The following CDC73 variants were observed in gnomAD, a reference collection of about 807,000 sequenced individuals.
The protein encoded by CDC73 is cell division cycle 73.
CDC73 carries 21 observed loss-of-function variants against 83.7 expected under a neutral mutation model. The ratio of observed to expected loss-of-function variants is 0.25; its 90% CI spans 0.18 to 0.36. The LOEUF (loss-of-function observed/expected upper bound fraction) is 0.36, where lower values mean the gene tolerates loss of function less well. Among genes scored for constraint, CDC73 ranks in the 10% least tolerant of loss-of-function variants. The probability of loss-of-function intolerance (pLI) is 1.00; values close to 1 mark genes in which losing one functional copy is unlikely to be tolerated. For synonymous variants in CDC73, 224 were observed against 212.9 expected, an observed-to-expected ratio of 1.05 and a Z score of -0.45; for missense variants, 342 against 653.3, an observed-to-expected ratio of 0.52 and a Z score of 5.19.
chr1:193,239,824 TG>T (rs1677826737), intron 15 of CDC73, among the ~76,000 whole-genome samples: 1 of 152,226 alleles, frequency 6.6e-6, no homozygotes, highest in Non-Finnish European at 1.5e-5. Flanking sequence ...ACTCTGCTTT[TG>T]AACATTAGAA....
intron 10 of CDC73, among the ~76,000 whole-genome samples, chr1:193,188,442 G>A (rs1362976624): frequency 6.6e-6 from 1 of 151,274 alleles, no homozygotes; most frequent in Non-Finnish European, 1.5e-5. Context: ...AGAAATTGTG[G>A]GATTTTTTTT....
intron 13 of CDC73, among the ~76,000 whole-genome samples, chr1:193,220,563 G>C (rs1412809139): frequency 2.0e-5 from 3 of 152,200 alleles, no homozygotes; most frequent in Non-Finnish European, 4.4e-5. Flanking sequence ...TTCACTAAAT[G>C]TAGAATTGAA....
At chr1:193,155,472 T>C (rs981910016) in intron 10 of CDC73, among the ~76,000 whole-genome samples, 9 of 152,182 alleles carry the variant, frequency 5.9e-5, no homozygotes, top group African/African-American at 2.2e-4. Flanking sequence ...TTGGGTTCTA[T>C]AATGTTTAAG....
intron 11 of CDC73, among the ~76,000 whole-genome samples, chr1:193,209,101 C>A (rs1677235998): frequency 6.6e-6 from 1 of 152,204 alleles, no homozygotes; most frequent in African/African-American, 2.4e-5. Flanking sequence ...GGAATTACTT[C>A]TGTTTTATTT....
chr1:193,244,353 C>T (rs1390731208), intron 15 of CDC73, among the ~76,000 whole-genome samples: 1 of 152,202 alleles, frequency 6.6e-6, no homozygotes, highest in Non-Finnish European at 1.5e-5. Flanking sequence ...CTTACTATCA[C>T]ATGTGGAATA....
At chr1:193,141,465 CT>C (rs1675904913) in intron 6 of CDC73, among the ~76,000 whole-genome samples, 1 of 152,124 alleles carries the variant, frequency 6.6e-6, no homozygotes, top group Admixed American at 6.5e-5. Flanking sequence ...AGGCTTTGAA[CT>C]TTCTGTAGGA....
intron 1 of CDC73, 28 bp downstream of exon 1, chr1:193,122,359 G>C: frequency 6.2e-7 from 1 of 1,613,814 alleles, no homozygotes; most frequent in Non-Finnish European, 8.5e-7. Flanking sequence ...GTGGCCCAGG[G>C]GTGGCAGGGC....
intron 10 of CDC73, among the ~76,000 whole-genome samples, chr1:193,171,950 CAG>C (rs937580227): frequency 6.6e-6 from 1 of 152,240 alleles, no homozygotes; most frequent in East Asian, 1.9e-4. Flanking sequence ...TGTTTTGAGA[CAG>C]AGTCTTTCTC....
chr1:193,213,039 G>T (rs1677304595), intron 13 of CDC73, among the ~76,000 whole-genome samples: 1 of 152,026 alleles, frequency 6.6e-6, no homozygotes, highest in Non-Finnish European at 1.5e-5. Flanking sequence ...ATGCATCACG[G>T]TTATTGGGCA....
At position 193,187,096 on chromosome 1, in the gene CDC73, T is replaced by TTTAGAACCC. The variant is rs552529631; in HGVS notation, c.973-16694_973-16693insACCCTTAGA. 5.0e-3 allele frequency among the ~76,000 whole-genome samples: 269 copies of TTTAGAACCC among 53,478 alleles called. 37 individuals carry two copies. The highest frequency in any genetic ancestry group is 0.015 in the African/African-American group (255 of 16,850). The allele number at this position is 53,478 out of a possible 152,430, so 35.1% of individuals were successfully genotyped here. ...CTATTGAAACCATGTATCTTTGTAATTTAGATCCCCCCCCCCGTTTTCTGG... is the reference window on the plus strand; with the variant it reads ...CTATTGAAACCATGTATCTTTGTAATTTAGAACCCTTAGATCCCCCCCCCCGTTTTCTGG... On this transcript the variant is annotated intron_variant, in intron 10 of 16. Transcript: ENST00000367435.
At chr1:193,164,516 C>G (rs372675522) in intron 10 of CDC73, among the ~76,000 whole-genome samples, 8 of 152,152 alleles carry the variant, frequency 5.3e-5, no homozygotes, top group Non-Finnish European at 8.8e-5. Flanking sequence ...ATTCTCACCT[C>G]TAGCACATAA....
chr1:193,152,802 CAG>C (rs773973728), intron 10 of CDC73, among the ~76,000 whole-genome samples: 15 of 151,960 alleles, frequency 9.9e-5, no homozygotes, highest in Non-Finnish European at 1.0e-4. Flanking sequence ...TTTTTTGAGA[CAG>C]AGTCTCGCTC....
At chr1:193,239,961 T>A (rs12411221) in intron 15 of CDC73, among the ~76,000 whole-genome samples, 1,618 of 152,280 alleles carry the variant, frequency 0.011, 17 homozygotes, top group Middle Eastern at 0.061. Flanking sequence ...TGTATGTTTG[T>A]ACACATTAAT....
intron 13 of CDC73, among the ~76,000 whole-genome samples, chr1:193,221,800 C>T (rs896551216): frequency 1.3e-5 from 2 of 152,078 alleles, no homozygotes; most frequent in Admixed American, 6.5e-5. Flanking sequence ...TAAAACACTC[C>T]CTTCATTGTT....
chr1:193,170,716 T>G (rs1676505188), intron 10 of CDC73, among the ~76,000 whole-genome samples: 1 of 152,228 alleles, frequency 6.6e-6, no homozygotes, highest in Admixed American at 6.5e-5. Context: ...TTTTCCCATA[T>G]TTTGTTGGTT....
In CDC73 at chr1:193,149,263, A is replaced by AC. The variant is rs1384217685; in HGVS notation, c.829-1039dup. On this transcript the variant is annotated intron_variant, in intron 8 of 16. Coordinates refer to ENST00000367435, the MANE Select transcript of CDC73 (RefSeq NM_024529.5). ...TTCGTAGAAGACAGTTTTTTCATGG[A>AC]CCAGGGGGAGGTTTTTGGAATGAAA... Among the ~76,000 whole-genome samples, 26 of 152,214 alleles carry AC rather than the reference A, an allele frequency of 1.7e-4. No homozygotes were observed. The East Asian group carries it at 5.0e-3, about 29-fold the overall frequency.
At chr1:193,195,385 T>C (rs1270701423) in intron 10 of CDC73, among the ~76,000 whole-genome samples, 1 of 152,176 alleles carries the variant, frequency 6.6e-6, no homozygotes, top group Admixed American at 6.5e-5. Flanking sequence ...ATATATAATT[T>C]ATCTGTTCAT....
rs1678076136 is a variant in CDC73, at chr1:193,253,448, G to A, written c.*2736G>A. Reference sequence around the variant, plus strand: ...TGTTTTGTGGCCACCCTTTGCACTAGACCATCCCTTTTATTGGTGGTATTG... The same window carrying A: ...TGTTTTGTGGCCACCCTTTGCACTAAACCATCCCTTTTATTGGTGGTATTG... On this transcript the variant is annotated 3_prime_UTR_variant, in exon 17 of 17. Coordinates refer to ENST00000367435, the MANE Select transcript of CDC73 (RefSeq NM_024529.5). The A allele has an allele frequency of 1.7e-5, 4 of 232,254 alleles. No individual in the cohort carries two copies. Among genetic ancestry groups the A allele is most frequent in the Non-Finnish European group, 3.4e-5 (4 of 117,544 alleles). 14.4% of individuals were successfully genotyped at this position (232,254 alleles called of 1,614,324 possible). A position where few individuals can be genotyped will look rare whatever the true frequency, so the allele number is the denominator to read the frequency against.
chr1:193,235,954 C>T (rs906635443), intron 14 of CDC73, among the ~76,000 whole-genome samples: 2 of 152,116 alleles, frequency 1.3e-5, no homozygotes, highest in African/African-American at 4.8e-5. Context: ...CTCTAATTAA[C>T]AGAAGGGAAC....
Sources: allele counts gnomAD v4.1 joint callset (sites outside exome capture counted in the v4.1 genomes callset), GRCh38; gene constraint gnomAD v4.1.1; transcripts MANE v1.5; gene names NCBI Gene and HGNC (gene_info 2026-07-23, HGNC 2026-07-21).